Variants in PCDH15 observed in about 807,000 individuals in gnomAD.
PCDH15 encodes the protein protocadherin-15.
A neutral mutation model predicts 178.5 loss-of-function variants in PCDH15; 129 were observed. The observed-to-expected ratio is 0.72, with a 90% CI of 0.63 to 0.84. PCDH15 has a LOEUF of 0.84. Ranked by LOEUF, PCDH15 falls within the 40% of genes least tolerant of loss-of-function variation. The pLI is 0.00. For synonymous variants in PCDH15, 800 were observed against 732.0 expected (o/e 1.09, Z -1.50); for missense variants, 2,230 against 2,099.9 (o/e 1.06, Z -1.21).
chr10:54,525,196 G>A (rs73258156), intron 3 of PCDH15, among the ~76,000 whole-genome samples: 8,182 of 152,252 alleles, frequency 0.054, 251 homozygotes, highest in East Asian at 0.084. Context: ...AGTAGTGAAT[G>A]TATTTAGATA....
At chr10:53,999,731 T>C (rs1422996516) in intron 20 of PCDH15, among the ~76,000 whole-genome samples, 1 of 152,170 alleles carries the variant, frequency 6.6e-6, no homozygotes, top group African/African-American at 2.4e-5. Flanking sequence ...AGGTTTTGAC[T>C]TCCAGACGGT....
At chr10:53,997,825 C>T (rs1306592115) in intron 20 of PCDH15, among the ~76,000 whole-genome samples, 1 of 152,106 alleles carries the variant, frequency 6.6e-6, no homozygotes, top group Non-Finnish European at 1.5e-5. Context: ...TTTCTATTGA[C>T]AGGATGAAGA....
intron 2 of PCDH15, among the ~76,000 whole-genome samples, chr10:55,616,519 C>CAAAAA (rs34005780): frequency 1.6e-5 from 2 of 127,512 alleles, no homozygotes; most frequent in African/African-American, 5.3e-5. Context: ...CTGAAATTAG[C>CAAAAA]AAAAAAAAAA....
intron 1 of PCDH15, among the ~76,000 whole-genome samples, chr10:54,722,997 G>A (rs55751335): frequency 0.12 from 18,469 of 151,172 alleles, 1,246 homozygotes; most frequent in African/African-American, 0.17. Flanking sequence ...TCAATGCAAT[G>A]CCTATCAATT....
intron 1 of PCDH15, among the ~76,000 whole-genome samples, chr10:55,193,962 A>G (rs1348700754): frequency 6.6e-6 from 1 of 152,036 alleles, no homozygotes; most frequent in Non-Finnish European, 1.5e-5. Flanking sequence ...ACTGAATAAT[A>G]CTAATATTAG....
chr10:55,600,107 G>C (rs1843040503), intron 2 of PCDH15: 1 of 422,870 alleles, frequency 2.4e-6, no homozygotes, highest in South Asian at 4.7e-5. Flanking sequence ...GCTCACGCCT[G>C]TAATCCCAGC....
intron 2 of PCDH15, among the ~76,000 whole-genome samples, chr10:55,555,366 C>A (rs1342589422): frequency 2.6e-5 from 4 of 152,098 alleles, no homozygotes; most frequent in Admixed American, 2.0e-4. Flanking sequence ...TCAACTACAT[C>A]ACCCAGTATT....
intron 10 of PCDH15, among the ~76,000 whole-genome samples, chr10:54,207,082 G>C (rs1344875719): frequency 1.3e-5 from 2 of 152,028 alleles, no homozygotes; most frequent in Non-Finnish European, 2.9e-5. Context: ...TTGTGAGGAA[G>C]AAAAAAGGCC....
chr10:54,342,176 T>C (rs1036910727), intron 6 of PCDH15, among the ~76,000 whole-genome samples: 1 of 152,064 alleles, frequency 6.6e-6, no homozygotes, highest in Non-Finnish European at 1.5e-5. Flanking sequence ...ATGGGAAAAA[T>C]GCCTCCAGGG....
chr10:55,363,757 T>C (rs1845288169), intron 2 of PCDH15, among the ~76,000 whole-genome samples: 1 of 152,056 alleles, frequency 6.6e-6, no homozygotes, highest in Non-Finnish European at 1.5e-5. Context: ...TGCATCAGCC[T>C]ACCAAGTAGC....
intron 3 of PCDH15, among the ~76,000 whole-genome samples, chr10:54,419,038 A>G (rs536422206): frequency 2.0e-5 from 3 of 152,174 alleles, no homozygotes; most frequent in Non-Finnish European, 4.4e-5. Flanking sequence ...ATTTTATTAT[A>G]GTAGTTATTT....
chr10:54,224,907 T>C (rs906455925), intron 9 of PCDH15, among the ~76,000 whole-genome samples: 15 of 152,256 alleles, frequency 9.9e-5, no homozygotes, highest in Admixed American at 2.6e-4. Flanking sequence ...GCAAAACTTC[T>C]TTTTCAGCTA....
chr10:55,010,638 A>G lies in PCDH15; in HGVS notation c.-79-113138T>C, dbSNP rs151292618. 3.6e-3 allele frequency among the ~76,000 whole-genome samples: 546 copies of G among 152,216 alleles called. 4 individuals are homozygous for G. Among genetic ancestry groups the G allele is most frequent in the African/African-American group, 0.013 (535 of 41,556 alleles). ...AGAAACAATCATGGTACAAATAAAA[A>G]CAGAAGGAGGGCAGTCTTAATTTCA... On this transcript the variant is annotated intron_variant, in intron 2 of 5. Transcript: ENST00000458638.
In PCDH15 at chr10:54,641,794, T is replaced by C. The variant is rs189672682; in HGVS notation, c.91+22378A>G. Among the ~76,000 whole-genome samples the C allele has an allele frequency of 1.5e-4, 23 of 152,288 alleles. No homozygotes were observed. The East Asian group carries it at 4.3e-3, about 28-fold the overall frequency. ...TTACACAAATCCACTCTCTTCACTA[T>C]AGCGAGTGATCTGTTTTAGAATAAA... On this transcript the variant is annotated intron_variant, in intron 2 of 37. Transcript: ENST00000644397.
At chr10:54,341,723 C>T (rs912058608) in intron 6 of PCDH15, among the ~76,000 whole-genome samples, 30 of 152,118 alleles carry the variant, frequency 2.0e-4, no homozygotes, top group African/African-American at 7.0e-4. Flanking sequence ...TGCTTTCAAC[C>T]AAAATGCTGA....
At chr10:55,097,818 A>T (rs2251842) in intron 2 of PCDH15, among the ~76,000 whole-genome samples, 68,685 of 151,948 alleles carry the variant, frequency 0.45, 19,228 homozygotes, top group African/African-American at 0.79. Flanking sequence ...TGTTGAACTC[A>T]TTGTAGTTGA....
chr10:55,355,204 T>G (rs2131971831), intron 2 of PCDH15, among the ~76,000 whole-genome samples: 1 of 152,170 alleles, frequency 6.6e-6, no homozygotes, highest in Admixed American at 6.6e-5. Flanking sequence ...TGAATAGAGC[T>G]GCTACAAACA....
At chr10:54,555,872 G>T (rs2087193783) in intron 2 of PCDH15, among the ~76,000 whole-genome samples, 1 of 151,934 alleles carries the variant, frequency 6.6e-6, no homozygotes, top group Non-Finnish European at 1.5e-5. Flanking sequence ...TCAAATTGAA[G>T]ATCTACTGAT....
chr10:54,575,517 G>C (rs2090377331), intron 2 of PCDH15, among the ~76,000 whole-genome samples: 2 of 151,822 alleles, frequency 1.3e-5, no homozygotes, highest in South Asian at 4.2e-4. Context: ...TTGGTAGCAG[G>C]GTTTAACAAT....
Sources: allele counts gnomAD v4.1 joint callset (sites outside exome capture counted in the v4.1 genomes callset), GRCh38; gene constraint gnomAD v4.1.1; transcripts MANE v1.5; gene names NCBI Gene and HGNC (gene_info 2026-07-23, HGNC 2026-07-21).